The following ADRA1B variants were observed in gnomAD, a reference collection of about 807,000 sequenced individuals.
ADRA1B encodes the protein alpha-1B adrenergic receptor.
ADRA1B carries 17 observed loss-of-function variants against 17.9 expected under a neutral mutation model. That is an observed-to-expected ratio of 0.95 (90% CI 0.65 to 1.42). The LOEUF is 1.42. Among genes scored for constraint, ADRA1B ranks in the 40% most tolerant of loss-of-function variants. The pLI is 0.00. For synonymous variants in ADRA1B, 366 were observed against 327.6 expected (o/e 1.12, Z -1.27); for missense variants, 681 against 722.1 (o/e 0.94, Z 0.65).
chr5:159,959,997 C>CA (rs1161547217), intron 1 of ADRA1B, among the ~76,000 whole-genome samples: 8 of 152,182 alleles, frequency 5.3e-5, no homozygotes, highest in African/African-American at 1.9e-4. Context: ...TCCATACACT[C>CA]ACAGCTTCCA....
chr5:159,890,164 T>G (rs143224555), intron 1 of ADRA1B, among the ~76,000 whole-genome samples: 55 of 152,250 alleles, frequency 3.6e-4, no homozygotes, highest in African/African-American at 1.3e-3. Flanking sequence ...CCCTCAAGGA[T>G]TCACCCTGTC....
chr5:159,950,597 C>T lies in ADRA1B; in HGVS notation c.950-21282C>T, dbSNP rs1755408460. The T allele has an allele frequency of 3.0e-6, 3 of 1,011,334 alleles. No individual in the cohort carries two copies. The East Asian group carries it at 7.2e-5, about 24-fold the overall frequency. 62.6% of individuals were successfully genotyped at this position (1,011,334 alleles called of 1,614,324 possible). A position where few individuals can be genotyped will look rare whatever the true frequency, so the allele number is the denominator to read the frequency against. On this transcript the variant is annotated intron_variant, in intron 1 of 1. Transcript: ENST00000306675. ...AGCTTGACAAAATGGTCTTTGAGGGCAATGCCGGCCCCAGCATCAAAGGTG... is the reference window on the plus strand; with the variant it reads ...AGCTTGACAAAATGGTCTTTGAGGGTAATGCCGGCCCCAGCATCAAAGGTG...
At chr5:159,976,932 TTGTC>T (rs1336917896), downstream of ADRA1B, among the ~76,000 whole-genome samples, 5 of 152,106 alleles carry the variant, frequency 3.3e-5, no homozygotes, top group Non-Finnish European at 5.9e-5. Context: ...GCCAACCACT[TTGTC>T]TGTAAATTGG....
chr5:159,959,482 TGAACAAGAAAGACAAA>T (rs1270495407), intron 1 of ADRA1B, among the ~76,000 whole-genome samples: 1 of 152,190 alleles, frequency 6.6e-6, no homozygotes, highest in Non-Finnish European at 1.5e-5. Flanking sequence ...AAGGAGCTCA[TGAACAAGAAAGACAAA>T]CCCTTAAATA....
intron 1 of ADRA1B, among the ~76,000 whole-genome samples, chr5:159,939,318 T>TGCGCGCGCGC (rs1370884383): frequency 6.1e-5 from 6 of 98,246 alleles, no homozygotes; most frequent in East Asian, 2.8e-4. Context: ...TGTGTGTGTG[T>TGCGCGCGCGC]GTGTGCGCGC....
chr5:159,892,005 G>A (rs1044472772), intron 1 of ADRA1B, among the ~76,000 whole-genome samples: 17 of 152,204 alleles, frequency 1.1e-4, no homozygotes, highest in African/African-American at 3.4e-4. Flanking sequence ...CTGGGAGGCC[G>A]AGGCGGGCAG....
chr5:159,985,762 G>A, the ADRA1B span, among the ~76,000 whole-genome samples: 3 of 152,234 alleles, frequency 2.0e-5, no homozygotes, highest in Admixed American at 1.3e-4. Context: ...ATCACTGAGA[G>A]GCCAAGCAGT....
In ADRA1B at chr5:159,881,425, C is replaced by T. The variant is rs1237311539; in HGVS notation, c.-256+16219C>T. Among the ~76,000 whole-genome samples the T allele has an allele frequency of 2.0e-5, 3 of 151,188 alleles. No homozygotes were observed. In the Admixed American group the frequency reaches 2.0e-4, roughly 10 times the overall value. ...TTTTGTGTATCTACTACATTCTCTT[C>T]TTGGCATGCCAATTTTCTCTATTGC... On this transcript the variant is annotated intron_variant, in intron 1 of 2. Transcript: ENST00000641205.
At chr5:159,910,584 G>A (rs966812114) in intron 1 of ADRA1B, among the ~76,000 whole-genome samples, 3 of 152,302 alleles carry the variant, frequency 2.0e-5, no homozygotes, top group Non-Finnish European at 2.9e-5. Flanking sequence ...AGGCTTTACC[G>A]GACAGACGGT....
At chr5:159,948,560 T>C (rs1051601374) in intron 1 of ADRA1B, 8 of 815,360 alleles carry the variant, frequency 9.8e-6, no homozygotes, top group Non-Finnish European at 1.0e-5. Context: ...CAAAAAAAGA[T>C]AGTAAAAAGC....
rs566576463 is a variant in ADRA1B at position 159,920,896 on chromosome 5, G to A, written c.949+3042G>A. Among the ~76,000 whole-genome samples, 5 of 152,324 alleles carry A rather than the reference G, an allele frequency of 3.3e-5. No individual in the cohort carries two copies. The South Asian group carries it at 8.3e-4, about 25-fold the overall frequency. Reference sequence around the variant, plus strand: ...ACTCATAAGGGGAGGAAGCAGATGTGGGGGAGGACTGTGTTTGGCAAAGGG... The same window carrying A: ...ACTCATAAGGGGAGGAAGCAGATGTAGGGGAGGACTGTGTTTGGCAAAGGG... On this transcript the variant is annotated intron_variant, in intron 1 of 1. Coordinates refer to ENST00000306675, the MANE Select transcript of ADRA1B (RefSeq NM_000679.4).
At chr5:159,958,489 A>T (rs1250106977) in intron 1 of ADRA1B, among the ~76,000 whole-genome samples, 1 of 152,146 alleles carries the variant, frequency 6.6e-6, no homozygotes, top group Non-Finnish European at 1.5e-5. Flanking sequence ...TTTAATATTT[A>T]CAGAGCTGAG....
intron 1 of ADRA1B, among the ~76,000 whole-genome samples, chr5:159,936,811 G>T (rs922027978): frequency 1.3e-5 from 2 of 152,160 alleles, no homozygotes; most frequent in African/African-American, 2.4e-5. Flanking sequence ...GGTAGAAAAT[G>T]GGAAAGAGGA....
chr5:159,870,623 G>A (rs1753725948), intron 1 of ADRA1B: 1 of 152,218 alleles, frequency 6.6e-6, no homozygotes, highest in East Asian at 1.9e-4. Flanking sequence ...TTTTGAAGAA[G>A]TTAGAAATTC....
intron 1 of ADRA1B, among the ~76,000 whole-genome samples, chr5:159,923,157 C>T (rs115775808): frequency 0.017 from 2,612 of 152,092 alleles, 3 homozygotes; most frequent in Non-Finnish European, 0.026. Flanking sequence ...GAGGCAGGTG[C>T]GTGTCAAGGC....
At chr5:159,925,984 G>A (rs550295387) in intron 1 of ADRA1B, among the ~76,000 whole-genome samples, 2 of 152,124 alleles carry the variant, frequency 1.3e-5, no homozygotes, top group Non-Finnish European at 2.9e-5. Context: ...CAGCAACCTC[G>A]TGACTGCTCT....
At chr5:159,962,436 T>G (rs922332862) in intron 1 of ADRA1B, among the ~76,000 whole-genome samples, 1 of 152,192 alleles carries the variant, frequency 6.6e-6, no homozygotes, top group East Asian at 1.9e-4. Flanking sequence ...ATCATCAGGT[T>G]TCATTTTCAT....
rs142689253 is a variant in ADRA1B at position 159,874,654 on chromosome 5, T to A, written c.-256+9448T>A. ...TCTGAAAATTTTTAATTTGATGACC[T>A]GGAGGCAAACATGAAGATTTCCAAT... On this transcript the variant is annotated intron_variant, in intron 1 of 2. Transcript: ENST00000641205. Among the ~76,000 whole-genome samples the A allele has an allele frequency of 6.1e-4, 93 of 152,360 alleles. No homozygotes were observed. In the East Asian group the frequency reaches 0.017, roughly 27 times the overall value.
chr5:159,971,809 T>C (rs1295181979), intron 1 of ADRA1B, 70 bp from the exon 2 acceptor site: 2 of 1,302,162 alleles, frequency 1.5e-6, no homozygotes, highest in Middle Eastern at 2.0e-4. Flanking sequence ...GAGAAGCATA[T>C]TGGGGCGAGA....
Sources: gnomAD v4.1 joint callset for allele counts (sites outside exome capture counted in the v4.1 genomes callset) on GRCh38, gnomAD v4.1.1 for gene constraint, MANE v1.5 for transcripts, NCBI Gene and HGNC (gene_info 2026-07-23, HGNC 2026-07-21) for gene names.